Variants in MMEL1 observed in about 807,000 individuals in gnomAD.
The protein encoded by MMEL1 is membrane metalloendopeptidase like 1, also known as membrane metallo-endopeptidase-like 1.
MMEL1 carries 98 observed loss-of-function variants against 117.1 expected under a neutral mutation model. The ratio of observed to expected loss-of-function variants is 0.84; its 90% CI spans 0.71 to 0.99. MMEL1 has a LOEUF of 0.99. MMEL1 is among the 50% of genes least tolerant of loss of function. The pLI is 0.00. For missense variants in MMEL1, 1,014 were observed against 1,049.1 expected, an observed-to-expected ratio of 0.97 and a Z score of 0.46; for synonymous variants, 390 against 415.1, an observed-to-expected ratio of 0.94 and a Z score of 0.74.
intron 19 of MMEL1, 125 bp from the exon 20 acceptor site, chr1:2,593,091 GTC>G (rs1644769521): frequency 8.1e-7 from 1 of 1,235,922 alleles, no homozygotes; most frequent in Non-Finnish European, 1.1e-6. Context: ...AGAGCCCACA[GTC>G]TGAGTAGGCT....
intron 2 of MMEL1, among the ~76,000 whole-genome samples, chr1:2,620,392 T>A (rs1645271689): frequency 6.6e-6 from 1 of 152,202 alleles, no homozygotes. Flanking sequence ...GATAAGAGTT[T>A]AATGCTGATA....
rs199706451 is a variant in MMEL1, at chr1:2,604,209, C to T, written c.889G>A (p.Asp297Asn). The T allele has an allele frequency of 6.2e-7, 1 of 1,610,624 alleles. No individual in the cohort carries two copies. Among genetic ancestry groups the T allele is most frequent in the South Asian group, 1.1e-5 (1 of 90,962 alleles). Residue 297 changes from aspartate (D) to asparagine (N), a missense_variant, in exon 10 of 24, where the codon GAC becomes AAC. Transcript: ENST00000378412. The part of the protein sequence containing the change: ...LLREDANLPR[D>N]SCLVQEDMVQ... ...ATGTCCTCCTGCACCAGGCAGCTGT[C>T]CCTGGGCAGGTTTGCATCCTCCCGC... is the stretch of plus-strand genomic sequence containing the variant.
intron 21 of MMEL1, 93 bp from the exon 22 acceptor site, chr1:2,592,120 A>G (rs532752918): frequency 4.7e-6 from 5 of 1,061,090 alleles, no homozygotes; most frequent in Non-Finnish European, 7.0e-6. Context: ...TGGCTCCAGG[A>G]CCTACCCCTG....
Position 2,591,632 on chromosome 1 carries a change from A to G in MMEL1, c.2165T>C (p.Val722Ala), listed in dbSNP as rs1281233732. The G allele has an allele frequency of 6.2e-6, 9 of 1,441,788 alleles. No homozygotes were observed. The highest frequency in any genetic ancestry group is 3.4e-5 in the East Asian group (1 of 29,516). The allele number at this position is 1,441,788 out of a possible 1,614,324, so 89.3% of individuals were successfully genotyped here. Residue 722 changes from valine (V) to alanine (A), a missense_variant and splice_region_variant, in exon 23 of 24, where the codon GTG (valine) becomes GCG (alanine). Coordinates refer to ENST00000378412, the MANE Select transcript of MMEL1 (RefSeq NM_033467.4). Reference sequence around the variant, plus strand: ...CTCGGGCCGGTAGGACCCGCACCACACCTGTGGGCATGTTGGGGGCGTGGC... The same window carrying G: ...CTCGGGCCGGTAGGACCCGCACCACGCCTGTGGGCATGTTGGGGGCGTGGC... Reference protein sequence around the residue: ...EQLFFINYAQVWCGSYRPEFA... With the variant: ...EQLFFINYAQAWCGSYRPEFA...
chr1:2,596,321 C>T (rs1313841692), intron 14 of MMEL1, among the ~76,000 whole-genome samples: 1 of 152,090 alleles, frequency 6.6e-6, no homozygotes, highest in Non-Finnish European at 1.5e-5. Flanking sequence ...TCCTCGTGGG[C>T]CAGGGGCAAC....
intron 2 of MMEL1, among the ~76,000 whole-genome samples, chr1:2,627,078 ACT>A (rs1395415254): frequency 2.0e-5 from 3 of 152,256 alleles, no homozygotes; most frequent in Non-Finnish European, 2.9e-5. Context: ...AGTAGCTAGT[ACT>A]CATGTCAGGC....
At chr1:2,594,673 C>T in intron 17 of MMEL1, 117 bp downstream of exon 17, 1 of 966,882 alleles carries the variant, frequency 1.0e-6, no homozygotes, top group South Asian at 1.5e-5. Flanking sequence ...CTGCACCCCT[C>T]AGCTGGCACT....
chr1:2,604,364 G>A (rs974004753), intron 9 of MMEL1, 83 bp from the exon 10 acceptor site: 13 of 1,564,246 alleles, frequency 8.3e-6, no homozygotes, highest in South Asian at 3.6e-5. Flanking sequence ...TGGGGTGGGC[G>A]TAGGACATGG....
chr1:2,611,063 G>C (rs1480519021), intron 4 of MMEL1, among the ~76,000 whole-genome samples: 1 of 152,232 alleles, frequency 6.6e-6, no homozygotes, highest in Non-Finnish European at 1.5e-5. Context: ...TGCAGGGCCT[G>C]GCTGCTGGAG....
chr1:2,626,145 G>A (rs1210453590), intron 2 of MMEL1, among the ~76,000 whole-genome samples: 5 of 152,212 alleles, frequency 3.3e-5, no homozygotes, highest in East Asian at 1.9e-4. Context: ...TGTGCGATGC[G>A]ATTATGTACC....
At position 2,591,013 on chromosome 1, in the gene MMEL1, T is replaced by TG; in HGVS notation, c.2316dup (p.Lys773GlnfsTer63). 6.2e-7 allele frequency: 1 copy of TG among 1,602,358 alleles called. No homozygotes were observed. The highest frequency in any genetic ancestry group is 8.5e-7 in the Non-Finnish European group (1 of 1,175,682). On this transcript the variant is annotated frameshift_variant, in exon 24 of 24. Transcript: ENST00000378412. LOFTEE classifies it high-confidence loss of function. Reference sequence around the variant, plus strand: ...GGCTACCACACGCGGCATCGCTCCTTGGGGTGCATGGGGGTGCCCCGGGCA... The same window carrying TG: ...GGCTACCACACGCGGCATCGCTCCTTGGGGGTGCATGGGGGTGCCCCGGGCA...
chr1:2,618,014 A>G (rs1286351923), intron 2 of MMEL1, among the ~76,000 whole-genome samples: 1 of 152,186 alleles, frequency 6.6e-6, no homozygotes, highest in Non-Finnish European at 1.5e-5. Context: ...ACATTTTAAA[A>G]ACTATTTTTG....
At chr1:2,594,107 C>T in intron 18 of MMEL1, 174 bp from the exon 19 acceptor site, 1 of 948,838 alleles carries the variant, frequency 1.1e-6, no homozygotes, top group South Asian at 1.7e-5. Context: ...GCTGGGCGGG[C>T]TCGTGCCTGG....
rs749252835 is a variant in MMEL1, at chr1:2,591,580, G to A, written c.2217C>T (p.Asp739=). The part of the protein sequence containing the change: ...PEFAIQSIKT[D]VHSPLKYRVL... ...GCCTGTACTTCAGGGGACTGTGGAC[G>A]TCTGTCTTGATGGATTGGATGGCGA... The change falls in exon 23 of 24, where the codon GAC becomes GAT. Residue 739 remains aspartate (D), a synonymous_variant. Coordinates refer to ENST00000378412, the MANE Select transcript of MMEL1 (RefSeq NM_033467.4). The A allele has an allele frequency of 8.1e-6, 13 of 1,613,324 alleles. No homozygotes were observed. Among genetic ancestry groups the A allele is most frequent in the East Asian group, 4.5e-5 (2 of 44,832 alleles).
chr1:2,625,852 T>C (rs1285931654), intron 2 of MMEL1, among the ~76,000 whole-genome samples: 3 of 152,140 alleles, frequency 2.0e-5, no homozygotes, highest in South Asian at 2.1e-4. Context: ...CAAATGCCCA[T>C]GGTCTTCACT....
At chr1:2,594,260 TAGG>T (rs1222156225) in intron 18 of MMEL1, 122 bp downstream of exon 18, 2 of 1,072,516 alleles carry the variant, frequency 1.9e-6, no homozygotes, top group African/African-American at 3.1e-5. Flanking sequence ...AGGGGTGACA[TAGG>T]AGAATGTTCC....
In MMEL1 at chr1:2,611,415, G is replaced by T. The variant is rs570335796; in HGVS notation, c.233-75C>A. The T allele has an allele frequency of 2.1e-4, 186 of 879,370 alleles. No homozygotes were observed. In the African/African-American group the frequency reaches 3.0e-3, roughly 14 times the overall value. The allele number at this position is 879,370 out of a possible 1,614,324, so 54.5% of individuals were successfully genotyped here. On this transcript the variant is annotated intron_variant, in intron 3 of 23. Transcript: ENST00000378412. ...CAGGACTGGAGTGGGTGTGGGCGGGGCAAGGTCTGGTGGGTGTGGCATGGG... is the reference window on the plus strand; with the variant it reads ...CAGGACTGGAGTGGGTGTGGGCGGGTCAAGGTCTGGTGGGTGTGGCATGGG...
chr1:2,617,255 G>A (rs564446572), intron 2 of MMEL1, among the ~76,000 whole-genome samples: 7 of 151,870 alleles, frequency 4.6e-5, no homozygotes, highest in Non-Finnish European at 8.8e-5. Context: ...GTGAAACCCC[G>A]TCTCTACTAA....
Position 2,595,295 on chromosome 1 carries a change from A to G in MMEL1, c.1565T>C (p.Leu522Pro). ...GCGCACATTGGAGTACTCCTCGTCC[A>G]GGCGCCTGTTCATCTCCTCCAGGAT... ...DYILEEMNRR[L>P]DEEYSNLNFS... The change falls in exon 16 of 24, where the codon CTG becomes CCG. Residue 522 changes from leucine to proline, a missense_variant. Physicochemically the swap from Leu to Pro is moderately conservative, Grantham distance 98. Transcript: ENST00000378412. This position sits in a 1 kb window ranked among gnomAD's most constrained non-coding sequence, Gnocchi z 4.8. 2 of 1,613,740 alleles carry G rather than the reference A, an allele frequency of 1.2e-6. No homozygotes were observed. The highest frequency in any genetic ancestry group is 1.7e-6 in the Non-Finnish European group (2 of 1,179,982).
Sources: allele counts gnomAD v4.1 joint callset (sites outside exome capture counted in the v4.1 genomes callset), GRCh38; gene constraint gnomAD v4.1.1; non-coding constraint Gnocchi (gnomAD v3.1); transcripts MANE v1.5; gene names NCBI Gene and HGNC (gene_info 2026-07-23, HGNC 2026-07-21).